The following CASTOR1 variants were observed in gnomAD, a reference collection of about 807,000 sequenced individuals.
CASTOR1 encodes GATS protein like 3.
CASTOR1 carries 18 observed loss-of-function variants against 33.7 expected under a neutral mutation model. The observed-to-expected ratio is 0.53, with a 90% CI of 0.37 to 0.79. CASTOR1 has a LOEUF of 0.79. Among genes scored for constraint, CASTOR1 ranks in the 30% least tolerant of loss-of-function variants. CASTOR1 has a pLI of 0.00. For missense variants in CASTOR1, 362 were observed against 446.3 expected (o/e 0.81, Z 1.70); for synonymous variants, 175 against 190.6 (o/e 0.92, Z 0.67).
intron 2 of CASTOR1, 111 bp from the exon 3 acceptor site, chr22:30,287,671 G>T: frequency 9.3e-7 from 1 of 1,071,254 alleles, no homozygotes; most frequent in Non-Finnish European, 1.4e-6. Flanking sequence ...GTAAGGGCAG[G>T]TCTGGAGGCT....
chr22:30,288,778 T>C lies in CASTOR1; in HGVS notation c.114-2A>G, dbSNP rs1402437347. On this transcript the variant is annotated splice_acceptor_variant, in intron 1 of 8. Transcript: ENST00000407689. LOFTEE classifies it high-confidence loss of function. ...TCCGTCAGGCTGAAGAACTTGCACC[T>C]GGTTGGGGGTGGGGAGCATCTTCAG... 1 of 1,609,608 alleles carries C rather than the reference T, an allele frequency of 6.2e-7. No individual in the cohort carries two copies.
Position 30,289,504 on chromosome 22 carries a change from T to C in CASTOR1, c.-7A>G. On this transcript the variant is annotated 5_prime_UTR_variant, in exon 1 of 9. Transcript: ENST00000407689. The stretch of plus-strand genomic sequence containing the variant: ...CTAGGATGTGCAGCTCCATCGCGGC[T>C]CGCGCGGACCCGACCCCGCCGCCAA... 6.4e-7 allele frequency: 1 copy of C among 1,553,250 alleles called. No homozygotes were observed. The highest frequency in any genetic ancestry group is 8.6e-7 in the Non-Finnish European group (1 of 1,157,168).
At position 30,286,380 on chromosome 22, in the gene CASTOR1, G is replaced by A; in HGVS notation, c.630-4C>T. On this transcript the variant is annotated splice_polypyrimidine_tract_variant and splice_region_variant and intron_variant, in intron 5 of 8. Transcript: ENST00000407689. ...AGAGGCTGCCTCCTTGGGGGTGCTG[G>A]GGAGGGATGGGAGGTTTAGGGGCTC... 4 of 1,591,204 alleles carry A rather than the reference G, an allele frequency of 2.5e-6. No homozygotes were observed. In the East Asian group the frequency reaches 8.9e-5, roughly 36 times the overall value.
At chr22:30,286,157 G>A (rs1929759577) in intron 6 of CASTOR1, 59 bp from the exon 7 acceptor site, 2 of 1,442,302 alleles carry the variant, frequency 1.4e-6, no homozygotes, top group Non-Finnish European at 1.9e-6. Context: ...CTGACCGTGA[G>A]CTCTGGGACA....
At chr22:30,285,988 G>GC in intron 7 of CASTOR1, 28 bp downstream of exon 7, 3 of 1,582,920 alleles carry the variant, frequency 1.9e-6, no homozygotes. Flanking sequence ...ACACTCCCCA[G>GC]CCCCCCAACA....
chr22:30,288,961 GCCT>G (rs1929860399), intron 1 of CASTOR1, 185 bp from the exon 2 acceptor site: 4 of 568,842 alleles, frequency 7.0e-6, no homozygotes, highest in Non-Finnish European at 9.3e-6. Flanking sequence ...CTACTTTCCG[GCCT>G]CCCGACCTCT....
intron 2 of CASTOR1, 91 bp from the exon 3 acceptor site, chr22:30,287,651 C>T: frequency 7.9e-7 from 1 of 1,273,392 alleles, no homozygotes; most frequent in South Asian, 1.4e-5. Context: ...CCTTGGAGGG[C>T]TCCATCAAGG....
chr22:30,288,013 A>T (rs1008245745), intron 2 of CASTOR1: 2 of 395,838 alleles, frequency 5.1e-6, no homozygotes, highest in African/African-American at 4.2e-5. Context: ...CTTCTGAAGT[A>T]AAAACAGGGA....
rs1174789024 is a variant in CASTOR1 at position 30,287,278 on chromosome 22, G to C, written c.382C>G (p.Gln128Glu). ...GTGTGGATCACCACGGACAGGTCCT[G>C]CTCCCGCACCTGGGCCACAGCAGAT... Reference protein sequence around the residue: ...YQTDFILVREQDLSVVIHTLA... With the variant: ...YQTDFILVREEDLSVVIHTLA... Residue 128 changes from glutamine (Q) to glutamate (E), a missense_variant, in exon 4 of 9, where the codon CAG becomes GAG. Gln to Glu is a conservative substitution (Grantham distance 29). Transcript: ENST00000407689. 6.4e-7 allele frequency: 1 copy of C among 1,573,366 alleles called. No individual in the cohort carries two copies. The highest frequency in any genetic ancestry group is 1.3e-5 in the African/African-American group (1 of 74,328).
At chr22:30,287,046 A>G (rs771335223) in intron 4 of CASTOR1, 98 bp from the exon 5 acceptor site, 2 of 1,552,012 alleles carry the variant, frequency 1.3e-6, no homozygotes, top group Non-Finnish European at 1.7e-6. Flanking sequence ...AGGTCTTGCT[A>G]TCCAGGAACT....
Position 30,288,837 on chromosome 22 carries a change from T to C in CASTOR1, c.114-61A>G. 3 of 1,436,098 alleles carry C rather than the reference T, an allele frequency of 2.1e-6. No individual in the cohort carries two copies. In the South Asian group the frequency reaches 3.7e-5, roughly 18 times the overall value. 89.0% of individuals were successfully genotyped at this position (1,436,098 alleles called of 1,614,324 possible). A position where few individuals can be genotyped will look rare whatever the true frequency, so the allele number is the denominator to read the frequency against. ...GGAGAACTAGGGGTCGGGAGTGGATTTCTCTCCATCTGCCCCGAGACACCC... is the reference window on the plus strand; with the variant it reads ...GGAGAACTAGGGGTCGGGAGTGGATCTCTCTCCATCTGCCCCGAGACACCC... On this transcript the variant is annotated intron_variant, in intron 1 of 8. Coordinates refer to ENST00000407689, the MANE Select transcript of CASTOR1 (RefSeq NM_001037666.3).
intron 5 of CASTOR1, chr22:30,286,604 C>T (rs1929776880): frequency 1.4e-6 from 1 of 694,596 alleles, no homozygotes; most frequent in Non-Finnish European, 2.5e-6. Flanking sequence ...GGTGAGAGGG[C>T]CAGACCAGGG....
chr22:30,288,849 G>A (rs1929855859), intron 1 of CASTOR1, 73 bp from the exon 2 acceptor site: 1 of 1,289,382 alleles, frequency 7.8e-7, no homozygotes, highest in Non-Finnish European at 1.1e-6. Flanking sequence ...CTCTCCATCT[G>A]CCCCGAGACA....
intron 5 of CASTOR1, chr22:30,286,584 A>G: frequency 1.5e-6 from 1 of 667,154 alleles, no homozygotes; most frequent in Non-Finnish European, 2.6e-6. Context: ...CCAAAAACAA[A>G]GGATTCCACG....
At position 30,289,374 on chromosome 22, in the gene CASTOR1, C is replaced by A; in HGVS notation, c.113+11G>T. ...CAGCCCCTATCTGCGCTCCCGAACC[C>A]GGGCGCGCACCGGCTGCGGCGGGGC... On this transcript the variant is annotated intron_variant, in intron 1 of 8. Coordinates refer to ENST00000407689, the MANE Select transcript of CASTOR1 (RefSeq NM_001037666.3). 1 of 1,590,666 alleles carries A rather than the reference C, an allele frequency of 6.3e-7. No individual in the cohort carries two copies. Among genetic ancestry groups the A allele is most frequent in the Non-Finnish European group, 8.6e-7 (1 of 1,167,810 alleles).
At chr22:30,287,897 G>A (rs1244123930) in intron 2 of CASTOR1, 3 of 539,574 alleles carry the variant, frequency 5.6e-6, no homozygotes, top group South Asian at 3.1e-5. Context: ...ACCTCACTAC[G>A]GTGTCTTCTG....
intron 2 of CASTOR1, chr22:30,287,844 T>G (rs1327253131): frequency 4.7e-6 from 3 of 639,436 alleles, no homozygotes; most frequent in Non-Finnish European, 8.7e-6. Flanking sequence ...GTGGGTGATT[T>G]GAGTCTCAGT....
rs771356842 is a variant in CASTOR1, at chr22:30,286,285, T to C, written c.721A>G (p.Met241Val). The stretch of plus-strand genomic sequence containing the variant: ...TACTTTTTCTGTGTTTCAGCATCCA[T>C]GACAATGGAGATATAACCCTCGATG... Reference protein sequence around the residue: ...SLIEGYISIVMDAETQKKFPS... With the variant: ...SLIEGYISIVVDAETQKKFPS... The change falls in exon 6 of 9, where the codon ATG becomes GTG. Residue 241 changes from methionine to valine, a missense_variant. Coordinates refer to ENST00000407689, the MANE Select transcript of CASTOR1 (RefSeq NM_001037666.3). The C allele has an allele frequency of 1.2e-6, 2 of 1,613,470 alleles. No homozygotes were observed. The highest frequency in any genetic ancestry group is 1.7e-6 in the Non-Finnish European group (2 of 1,179,630).
chr22:30,286,040 T>A lies in CASTOR1; in HGVS notation c.802A>T (p.Ile268Phe). The change falls in exon 7 of 9, where the codon ATC becomes TTC. Residue 268 changes from isoleucine to phenylalanine, a missense_variant. Physicochemically the swap from Ile to Phe is conservative, Grantham distance 21. Coordinates refer to ENST00000407689, the MANE Select transcript of CASTOR1 (RefSeq NM_001037666.3). The part of the protein sequence containing the change: ...SSGELWRMVR[I>F]GGQPLGFDEC... ...CCAAAGCCCAGGGGCTGTCCACCGATGCGCACCATCCTCCACAGCTCCCCC... is the reference window on the plus strand; with the variant it reads ...CCAAAGCCCAGGGGCTGTCCACCGAAGCGCACCATCCTCCACAGCTCCCCC... 1 of 1,592,290 alleles carries A rather than the reference T, an allele frequency of 6.3e-7. No individual in the cohort carries two copies. The highest frequency in any genetic ancestry group is 8.6e-7 in the Non-Finnish European group (1 of 1,168,206).
Sources: gnomAD v4.1 joint callset for allele counts on GRCh38, gnomAD v4.1.1 for gene constraint, MANE v1.5 for transcripts, NCBI Gene and HGNC (gene_info 2026-07-23, HGNC 2026-07-21) for gene names.